The following OTUD3 variants were observed in gnomAD, a reference collection of about 807,000 sequenced individuals.
The protein encoded by OTUD3 is OTU deubiquitinase 3.
OTUD3 carries 24 observed loss-of-function variants against 46.2 expected under a neutral mutation model. The ratio of observed to expected loss-of-function variants is 0.52; its 90% CI spans 0.38 to 0.73. OTUD3 has a LOEUF of 0.73. Among genes scored for constraint, OTUD3 ranks in the 30% least tolerant of loss-of-function variants. The pLI is 0.00. For missense variants in OTUD3, 455 were observed against 523.3 expected, an observed-to-expected ratio of 0.87 and a Z score of 1.27; for synonymous variants, 189 against 195.4, an observed-to-expected ratio of 0.97 and a Z score of 0.27.
chr1:19,902,102 G>A (rs545334989), intron 4 of OTUD3, among the ~76,000 whole-genome samples: 1 of 152,326 alleles, frequency 6.6e-6, no homozygotes, highest in East Asian at 1.9e-4. Context: ...GTTTTCCACA[G>A]CAGCTGCACT....
chr1:19,908,631 G>A lies in OTUD3; in HGVS notation c.*885G>A, dbSNP rs938424795. On this transcript the variant is annotated 3_prime_UTR_variant, in exon 8 of 8. Transcript: ENST00000375120. ...GCCTAAGAGGAGTCTAAAGAATTATGTTTTTATAGGAGAAGCCTGGAAGAA... is the reference window on the plus strand; with the variant it reads ...GCCTAAGAGGAGTCTAAAGAATTATATTTTTATAGGAGAAGCCTGGAAGAA... 1.3e-5 allele frequency: 2 copies of A among 152,326 alleles called. No individual in the cohort carries two copies. The highest frequency in any genetic ancestry group is 4.8e-5 in the African/African-American group (2 of 41,444). 9.4% of individuals were successfully genotyped at this position (152,326 alleles called of 1,614,324 possible). A position where few individuals can be genotyped will look rare whatever the true frequency, so the allele number is the denominator to read the frequency against.
At chr1:19,907,541 C>G (rs1454063964) in intron 7 of OTUD3, 29 bp from the exon 8 acceptor site, 2 of 1,610,062 alleles carry the variant, frequency 1.2e-6, no homozygotes, top group African/African-American at 2.7e-5. Flanking sequence ...CCCGTGCTTC[C>G]TACTCACCAC....
intron 4 of OTUD3, among the ~76,000 whole-genome samples, chr1:19,899,162 T>C (rs1055755370): frequency 2.0e-5 from 3 of 152,210 alleles, no homozygotes; most frequent in Non-Finnish European, 4.4e-5. Context: ...ATTCAAAATA[T>C]GTAATGGGAT....
At chr1:19,898,503 C>T (rs941972634) in intron 4 of OTUD3, among the ~76,000 whole-genome samples, 37 of 151,542 alleles carry the variant, frequency 2.4e-4, no homozygotes, top group Admixed American at 3.9e-4. Context: ...CCGAGGCGGG[C>T]GGATCACCTG....
At chr1:19,890,362 G>A in intron 1 of OTUD3, 23 bp from the exon 2 acceptor site, 5 of 1,612,102 alleles carry the variant, frequency 3.1e-6, no homozygotes, top group Non-Finnish European at 4.2e-6. Context: ...GAAAGGTCTT[G>A]ACTCGTGTTG....
intron 1 of OTUD3, among the ~76,000 whole-genome samples, chr1:19,885,714 A>G (rs1177722593): frequency 2.6e-5 from 4 of 152,334 alleles, no homozygotes; most frequent in Admixed American, 2.0e-4. Context: ...TTGGCCTCCC[A>G]AAGTGGTGGA....
chr1:19,905,402 T>TG (rs1469261545), intron 6 of OTUD3, among the ~76,000 whole-genome samples: 1 of 152,098 alleles, frequency 6.6e-6, no homozygotes, highest in Non-Finnish European at 1.5e-5. Context: ...TTTGATTTTT[T>TG]TTTTTTAATT....
chr1:19,882,677 G>T lies in OTUD3; in HGVS notation c.164G>T (p.Ser55Ile). The T allele has an allele frequency of 6.9e-7, 1 of 1,457,588 alleles. No homozygotes were observed. 90.3% of individuals were successfully genotyped at this position (1,457,588 alleles called of 1,614,324 possible). ...GGGGCEEEFV[S>I]FANQLQALGL... is the part of the protein sequence containing the mutation. Reference sequence around the variant, plus strand: ...GGCGGCTGCGAGGAGGAGTTCGTCAGCTTCGCCAACCAGCTGCAGGCCCTG... The same window carrying T: ...GGCGGCTGCGAGGAGGAGTTCGTCATCTTCGCCAACCAGCTGCAGGCCCTG... The change falls in exon 1 of 8, where the codon AGC becomes ATC. Residue 55 changes from serine to isoleucine, a missense_variant. By Grantham distance (142) the Ser-to-Ile change is moderately radical. Transcript: ENST00000375120.
At chr1:19,898,558 A>G (rs1439776303) in intron 4 of OTUD3, among the ~76,000 whole-genome samples, 1 of 151,586 alleles carries the variant, frequency 6.6e-6, no homozygotes, top group Non-Finnish European at 1.5e-5. Flanking sequence ...GAGAAACTCC[A>G]TCTCTACTAA....
chr1:19,889,113 G>A lies in OTUD3; in HGVS notation c.222-1272G>A, dbSNP rs140482228. 4.1e-3 allele frequency among the ~76,000 whole-genome samples: 618 copies of A among 152,130 alleles called. 3 individuals carry two copies. The highest frequency in any genetic ancestry group is 0.014 in the African/African-American group (584 of 41,528). ...AGCTTGACATTTAAATTGTTTTATC[G>A]ATTAACTTACTTTTCTCCATGGTTG... is the stretch of plus-strand genomic sequence containing the variant. On this transcript the variant is annotated intron_variant, in intron 1 of 7. Coordinates refer to ENST00000375120, the MANE Select transcript of OTUD3 (RefSeq NM_015207.2).
intron 3 of OTUD3, among the ~76,000 whole-genome samples, chr1:19,896,321 C>T (rs1187703601): frequency 2.0e-5 from 3 of 151,942 alleles, no homozygotes; most frequent in Non-Finnish European, 4.4e-5. Context: ...CCGTGAAAGT[C>T]ACAGTTAACA....
chr1:19,884,580 A>G (rs1376390128), intron 1 of OTUD3, among the ~76,000 whole-genome samples: 1 of 152,214 alleles, frequency 6.6e-6, no homozygotes, highest in African/African-American at 2.4e-5. Flanking sequence ...AAAGAACTTT[A>G]TATGGGTTAT....
At position 19,908,846 on chromosome 1, in the gene OTUD3, G is replaced by A. The variant is rs2045699689; in HGVS notation, c.*1100G>A. ...GCCCTGTTTGGCATTTCAAAGTTGGGAAAACTCCAGCATCTGCTGGAAGTT... is the reference window on the plus strand; with the variant it reads ...GCCCTGTTTGGCATTTCAAAGTTGGAAAAACTCCAGCATCTGCTGGAAGTT... On this transcript the variant is annotated 3_prime_UTR_variant, in exon 8 of 8. Coordinates refer to ENST00000375120, the MANE Select transcript of OTUD3 (RefSeq NM_015207.2). 1 of 152,284 alleles carries A rather than the reference G, an allele frequency of 6.6e-6. No individual in the cohort carries two copies. The allele number at this position is 152,284 out of a possible 1,614,324, so 9.4% of individuals were successfully genotyped here.
At position 19,912,016 on chromosome 1, in the gene OTUD3, T is replaced by G. The variant is rs1047331265; in HGVS notation, c.*4270T>G. ...GTCCTCGTTAGGACTGTTTTGTGGT[T>G]CCATGAAAATGTTTAGCATCCTTGC... On this transcript the variant is annotated 3_prime_UTR_variant, in exon 8 of 8. Coordinates refer to ENST00000375120, the MANE Select transcript of OTUD3 (RefSeq NM_015207.2). 1 of 152,376 alleles carries G rather than the reference T, an allele frequency of 6.6e-6. No homozygotes were observed. Among genetic ancestry groups the G allele is most frequent in the African/African-American group, 2.4e-5 (1 of 41,470 alleles). 9.4% of individuals were successfully genotyped at this position (152,376 alleles called of 1,614,324 possible). A position where few individuals can be genotyped will look rare whatever the true frequency, so the allele number is the denominator to read the frequency against.
chr1:19,904,782 T>G, intron 5 of OTUD3, 109 bp from the exon 6 acceptor site: 2 of 652,688 alleles, frequency 3.1e-6, no homozygotes, highest in South Asian at 3.9e-5. Context: ...AACCTTGTGT[T>G]AATTCTCACT....
chr1:19,904,525 G>A, intron 5 of OTUD3, 127 bp downstream of exon 5: 2 of 808,286 alleles, frequency 2.5e-6, no homozygotes, highest in Non-Finnish European at 4.0e-6. Context: ...CATGAGATTT[G>A]TAGTTTGATT....
chr1:19,894,332 A>G (rs764983325), intron 2 of OTUD3, 36 bp from the exon 3 acceptor site: 7 of 1,271,590 alleles, frequency 5.5e-6, no homozygotes, highest in Non-Finnish European at 7.9e-6. Context: ...TTTTTCCACT[A>G]TAAAGACGTC....
chr1:19,906,948 C>G (rs1269498401), intron 7 of OTUD3: 3 of 187,442 alleles, frequency 1.6e-5, no homozygotes, highest in African/African-American at 7.1e-5. Flanking sequence ...CAATGAACAC[C>G]TTTGTGTATA....
In OTUD3 at chr1:19,907,679, A is replaced by ACAGAAGCGAAG. The variant is rs2045681430; in HGVS notation, c.1135_1145dup (p.Asn384LysfsTer11). ...AGCAGAGGTAGCCACAGGGACAATAACAGAAGCGAAGCAGAGGCGAACACG... is the reference window on the plus strand; with the variant it reads ...AGCAGAGGTAGCCACAGGGACAATAACAGAAGCGAAGCAGAAGCGAAGCAGAGGCGAACACG... On this transcript the variant is annotated frameshift_variant, in exon 8 of 8. Coordinates refer to ENST00000375120, the MANE Select transcript of OTUD3 (RefSeq NM_015207.2). LOFTEE classifies it high-confidence loss of function. The ACAGAAGCGAAG allele has an allele frequency of 6.2e-7, 1 of 1,614,092 alleles. No individual in the cohort carries two copies. Among genetic ancestry groups the ACAGAAGCGAAG allele is most frequent in the African/African-American group, 1.3e-5 (1 of 74,938 alleles).
Sources: allele counts gnomAD v4.1 joint callset (sites outside exome capture counted in the v4.1 genomes callset), GRCh38; gene constraint gnomAD v4.1.1; transcripts MANE v1.5; gene names NCBI Gene and HGNC (gene_info 2026-07-23, HGNC 2026-07-21).